Variants in FARP2 observed in about 807,000 individuals in gnomAD.
FARP2 encodes FERM, ARHGEF and pleckstrin domain-containing protein 2.
A neutral mutation model predicts 130.5 loss-of-function variants in FARP2; 111 were observed. The ratio of observed to expected loss-of-function variants is 0.85; its 90% CI spans 0.73 to 1.00. The LOEUF is 1.00. Among genes scored for constraint, FARP2 ranks in the 50% least tolerant of loss-of-function variants. FARP2 has a pLI of 0.00. For synonymous variants in FARP2, 504 were observed against 516.9 expected (o/e 0.98, Z 0.34); for missense variants, 1,385 against 1,346.3 (o/e 1.03, Z -0.45).
intron 7 of FARP2, 103 bp from the exon 8 acceptor site, chr2:241,417,859 C>G (rs566585187): frequency 2.3e-6 from 3 of 1,309,628 alleles, no homozygotes; most frequent in Non-Finnish European, 3.2e-6. Context: ...TCTAAACACA[C>G]AAAGCCTTCA....
At position 241,366,108 on chromosome 2, in the gene FARP2, T is replaced by TATATAC. The variant is rs1553705642; in HGVS notation, c.-24-6971_-24-6970insCATATA. On this transcript the variant is annotated intron_variant, in intron 1 of 26. Transcript: ENST00000264042. ...CATCACTACTAAAAAAAAAAAAATA[T>TATATAC]ATATATATATATACGTATATATATA... Among the ~76,000 whole-genome samples, 22 of 34,266 alleles carry TATATAC rather than the reference T, an allele frequency of 6.4e-4. 1 individual carries two copies. The highest frequency in any genetic ancestry group is 1.5e-3 in the Admixed American group (3 of 1,968). 22.5% of individuals were successfully genotyped at this position (34,266 alleles called of 152,430 possible).
intron 21 of FARP2, 75 bp downstream of exon 21, chr2:241,484,406 G>A: frequency 8.1e-7 from 1 of 1,227,560 alleles, no homozygotes; most frequent in Non-Finnish European, 1.2e-6. Context: ...CTCCTGCAGA[G>A]GCGAATCCTT....
chr2:241,471,594 T>C (rs546493579), intron 18 of FARP2, among the ~76,000 whole-genome samples: 12 of 148,376 alleles, frequency 8.1e-5, no homozygotes, highest in South Asian at 6.6e-4. Flanking sequence ...CCTGGGTTCA[T>C]GCCATTCTCC....
chr2:241,483,032 T>C (rs895435624), intron 19 of FARP2, among the ~76,000 whole-genome samples: 2 of 148,944 alleles, frequency 1.3e-5, no homozygotes, highest in African/African-American at 5.2e-5. Context: ...AACCTGCTCC[T>C]GGTGCTAATT....
intron 24 of FARP2, chr2:241,492,601 G>GACTT (rs2064960952): frequency 9.2e-6 from 2 of 216,728 alleles, no homozygotes; most frequent in African/African-American, 4.6e-5. Flanking sequence ...GAACCTTCCA[G>GACTT]ACTTGGCTCA....
intron 11 of FARP2, among the ~76,000 whole-genome samples, chr2:241,435,856 A>T (rs1379288732): frequency 3.5e-5 from 5 of 144,550 alleles, no homozygotes; most frequent in South Asian, 2.2e-4. Context: ...AGATATTTTT[A>T]GTTTCTCTTC....
intron 2 of FARP2, among the ~76,000 whole-genome samples, chr2:241,375,731 C>G (rs1041076636): frequency 6.6e-6 from 1 of 151,934 alleles, no homozygotes; most frequent in African/African-American, 2.4e-5. Context: ...AATGGTCTTG[C>G]ATATTCTGAA....
intron 1 of FARP2, among the ~76,000 whole-genome samples, chr2:241,363,327 G>T (rs1381693353): frequency 1.2e-4 from 18 of 152,218 alleles, no homozygotes. Context: ...CTTAGGGAAT[G>T]GGGAAAACCC....
chr2:241,398,736 T>C (rs2062090455), intron 2 of FARP2, among the ~76,000 whole-genome samples: 4 of 151,928 alleles, frequency 2.6e-5, no homozygotes, highest in Admixed American at 1.3e-4. Context: ...GCCCGGCTAA[T>C]TTTTGTATTT....
Position 241,456,810 on chromosome 2 carries a change from C to G in FARP2, c.1475C>G (p.Pro492Arg), listed in dbSNP as rs763243914. The change falls in exon 14 of 27, where the codon CCT (proline) becomes CGT (arginine). Residue 492 changes from proline to arginine, a missense_variant. Coordinates refer to ENST00000264042, the MANE Select transcript of FARP2 (RefSeq NM_014808.4). Reference sequence around the variant, plus strand: ...CGGAAGAGCCCCCTGAGTCTGAGCCCTGCATTTCAGGTGCCTTTGGGCCCA... The same window carrying G: ...CGGAAGAGCCCCCTGAGTCTGAGCCGTGCATTTCAGGTGCCTTTGGGCCCA... ...SSRKSPLSLS[P>R]AFQVPLGPAE... 6.2e-7 allele frequency: 1 copy of G among 1,614,142 alleles called. No individual in the cohort carries two copies. The highest frequency in any genetic ancestry group is 2.2e-5 in the East Asian group (1 of 44,870).
chr2:241,462,561 G>C lies in FARP2; in HGVS notation c.1626G>C (p.Glu542Asp), dbSNP rs1425645846. 45 of 1,613,968 alleles carry C rather than the reference G, an allele frequency of 2.8e-5. No individual in the cohort carries two copies. The highest frequency in any genetic ancestry group is 3.6e-5 in the Non-Finnish European group (43 of 1,179,918). The stretch of plus-strand genomic sequence containing the variant: ...ACGAGGCCTACTTCATAGTCAAAGA[G>C]ATTCTCGCTACAGAACGAACATACC... ...PADEAYFIVKEILATERTYLK... is the reference protein window; with the variant it reads ...PADEAYFIVKDILATERTYLK... Residue 542 changes from glutamate to aspartate, a missense_variant, in exon 15 of 27, where the codon GAG (glutamate) becomes GAC (aspartate). Physicochemically the swap from Glu to Asp is conservative, Grantham distance 45. Coordinates refer to ENST00000264042, the MANE Select transcript of FARP2 (RefSeq NM_014808.4).
intron 2 of FARP2, among the ~76,000 whole-genome samples, chr2:241,396,834 G>A (rs1243316608): frequency 6.6e-6 from 1 of 152,116 alleles, no homozygotes; most frequent in Non-Finnish European, 1.5e-5. Flanking sequence ...CCATTACTGG[G>A]TATATACCCA....
At chr2:241,387,522 A>C (rs935236301) in intron 2 of FARP2, among the ~76,000 whole-genome samples, 1 of 152,200 alleles carries the variant, frequency 6.6e-6, no homozygotes, top group African/African-American at 2.4e-5. Flanking sequence ...GGCCAGACGC[A>C]GTGGCTCATG....
intron 21 of FARP2, among the ~76,000 whole-genome samples, chr2:241,486,519 AT>A (rs2064757291): frequency 2.0e-5 from 1 of 50,302 alleles, no homozygotes; most frequent in African/African-American, 6.7e-5. Context: ...AAAGAACTCT[AT>A]CATCGTACCC....
intron 17 of FARP2, chr2:241,465,873 GT>G: frequency 2.0e-6 from 3 of 1,479,458 alleles, no homozygotes; most frequent in Middle Eastern, 2.3e-4. Flanking sequence ...GCTGTTCTGT[GT>G]TGAGATAGCC....
chr2:241,420,942 G>A (rs537005678), intron 8 of FARP2, among the ~76,000 whole-genome samples: 3 of 152,296 alleles, frequency 2.0e-5, no homozygotes, highest in East Asian at 1.9e-4. Context: ...GGAAAGAAAA[G>A]GGGTGAGTGG....
chr2:241,356,703 G>C (rs1273480452), intron 1 of FARP2, among the ~76,000 whole-genome samples: 1 of 152,160 alleles, frequency 6.6e-6, no homozygotes, highest in African/African-American at 2.4e-5. Context: ...GCTGTAGACC[G>C]GGGAGTGTCC....
At chr2:241,371,389 T>C (rs1442312264) in intron 1 of FARP2, among the ~76,000 whole-genome samples, 1 of 152,114 alleles carries the variant, frequency 6.6e-6, no homozygotes, top group African/African-American at 2.4e-5. Flanking sequence ...GAGGCTGAGG[T>C]GGGAGAATTG....
intron 8 of FARP2, among the ~76,000 whole-genome samples, chr2:241,424,737 CA>C (rs1159297491): frequency 6.6e-6 from 1 of 152,050 alleles, no homozygotes; most frequent in Non-Finnish European, 1.5e-5. Context: ...AGAGAATAAT[CA>C]AATGAACAAT....
Sources: gnomAD v4.1 joint callset for allele counts (sites outside exome capture counted in the v4.1 genomes callset) on GRCh38, gnomAD v4.1.1 for gene constraint, MANE v1.5 for transcripts, NCBI Gene and HGNC (gene_info 2026-07-23, HGNC 2026-07-21) for gene names.